The following CSMD1 variants were observed in gnomAD, a reference collection of about 807,000 sequenced individuals.
CSMD1 encodes the protein CUB and Sushi multiple domains 1.
Under a neutral mutation model 417.5 loss-of-function variants are expected in CSMD1, and 213 were observed. The ratio of observed to expected loss-of-function variants is 0.51; its 90% CI spans 0.46 to 0.57. The LOEUF (loss-of-function observed/expected upper bound fraction) is 0.57, where lower values mean the gene tolerates loss of function less well. Among genes scored for constraint, CSMD1 ranks in the 20% least tolerant of loss-of-function variants. The probability of loss-of-function intolerance (pLI) is 0.00; values close to 1 mark genes in which losing one functional copy is unlikely to be tolerated. For missense variants in CSMD1, 6,923 were observed against 4,529.7 expected (o/e 1.53, Z -15.17); for synonymous variants, 2,862 against 1,736.8 (o/e 1.65, Z -16.11).
At chr8:4,096,510 G>T (rs1430693150) in intron 3 of CSMD1, among the ~76,000 whole-genome samples, 1 of 152,130 alleles carries the variant, frequency 6.6e-6, no homozygotes, top group African/African-American at 2.4e-5. Flanking sequence ...GACAGCCAAT[G>T]ACTACTTAGA....
intron 44 of CSMD1, among the ~76,000 whole-genome samples, 190 bp downstream of exon 44, chr8:3,108,413 G>C (rs1490815870): frequency 1.3e-5 from 2 of 152,100 alleles, no homozygotes; most frequent in Admixed American, 6.5e-5. Flanking sequence ...AGCTGGATAC[G>C]ATGTGAAATA....
chr8:4,769,660 G>C (rs767107593), intron 1 of CSMD1, among the ~76,000 whole-genome samples: 1 of 152,182 alleles, frequency 6.6e-6, no homozygotes, highest in African/African-American at 2.4e-5. Flanking sequence ...CGGGAGGCTT[G>C]GAAAGGCTGA....
At position 3,189,988 on chromosome 8, in the gene CSMD1, C is replaced by T; in HGVS notation, c.5322G>A (p.Gln1774=). Residue 1774 remains glutamine, a synonymous_variant, in exon 34 of 70, where the codon CAG becomes CAA. Coordinates refer to ENST00000635120, the MANE Select transcript of CSMD1 (RefSeq NM_033225.6). The part of the protein sequence containing the change: ...RFECNPGYLL[Q]GSTALHCQSV... ...ACTGGCAGTGGAGCGCCGTGGAACC[C>T]TGAAGCAGGTATCCCGGGTTGCACT... is the stretch of plus-strand genomic sequence containing the variant. 1 of 1,599,358 alleles carries T rather than the reference C, an allele frequency of 6.3e-7. No homozygotes were observed. The highest frequency in any genetic ancestry group is 8.5e-7 in the Non-Finnish European group (1 of 1,173,276).
chr8:3,440,711 G>C (rs1055830192), intron 12 of CSMD1, among the ~76,000 whole-genome samples: 28 of 152,146 alleles, frequency 1.8e-4, no homozygotes, highest in African/African-American at 5.1e-4. Flanking sequence ...GATATCCTTG[G>C]TGGGTTCTTA....
In CSMD1 at chr8:3,773,823, G is replaced by A. The variant is rs369268398; in HGVS notation, c.819-19781C>T. On this transcript the variant is annotated intron_variant, in intron 5 of 69. Transcript: ENST00000635120. Reference sequence around the variant, plus strand: ...GCCCATCTACATGCTTCAACAAGTCGTTTTCACTCACTTTCCCCCACATTG... The same window carrying A: ...GCCCATCTACATGCTTCAACAAGTCATTTTCACTCACTTTCCCCCACATTG... Among the ~76,000 whole-genome samples the A allele has an allele frequency of 1.8e-4, 28 of 152,076 alleles. No individual in the cohort carries two copies. The East Asian group carries it at 4.3e-3, about 23-fold the overall frequency.
chr8:4,677,273 A>G (rs1215504938), intron 1 of CSMD1, among the ~76,000 whole-genome samples: 1 of 151,880 alleles, frequency 6.6e-6, no homozygotes, highest in Non-Finnish European at 1.5e-5. Context: ...GAAGGAATCC[A>G]ACAATGTAGT....
Position 2,983,866 on chromosome 8 carries a change from T to C in CSMD1, c.8378-5066A>G, listed in dbSNP as rs574948316. ...TAGTTTTTAAATTTCAATATAATTATTATACAAAAAGGAAAAGTAAAATCG... is the reference window on the plus strand; with the variant it reads ...TAGTTTTTAAATTTCAATATAATTACTATACAAAAAGGAAAAGTAAAATCG... On this transcript the variant is annotated intron_variant, in intron 54 of 69. Transcript: ENST00000635120. Among the ~76,000 whole-genome samples the C allele has an allele frequency of 2.6e-5, 4 of 152,282 alleles. No homozygotes were observed. In the East Asian group the frequency reaches 7.7e-4, roughly 29 times the overall value.
At chr8:4,461,779 C>T (rs1444003811) in intron 2 of CSMD1, among the ~76,000 whole-genome samples, 1 of 138,262 alleles carries the variant, frequency 7.2e-6, no homozygotes, top group Non-Finnish European at 1.5e-5. Context: ...CTCGCTCTGT[C>T]ACCCAGGCTG....
chr8:4,581,735 G>T (rs1210502364), intron 2 of CSMD1, among the ~76,000 whole-genome samples: 4 of 152,096 alleles, frequency 2.6e-5, no homozygotes, highest in East Asian at 3.9e-4. Context: ...ATTCCCAGAG[G>T]GCCCTCACCT....
At chr8:3,753,890 C>A (rs1415140715) in intron 6 of CSMD1, 40 bp downstream of exon 6, 1 of 1,357,252 alleles carries the variant, frequency 7.4e-7, no homozygotes, top group African/African-American at 1.4e-5. Flanking sequence ...ATATATTACG[C>A]TCTGTTTTTT....
chr8:3,663,945 A>G (rs945546524), intron 7 of CSMD1, among the ~76,000 whole-genome samples: 2 of 152,244 alleles, frequency 1.3e-5, no homozygotes, highest in African/African-American at 4.8e-5. Flanking sequence ...TGGGGTTCAC[A>G]GAACCAAGGC....
chr8:4,132,751 T>C (rs1159864366), intron 3 of CSMD1, among the ~76,000 whole-genome samples: 1 of 152,176 alleles, frequency 6.6e-6, no homozygotes, highest in Admixed American at 6.5e-5. Context: ...AGAGATAGTG[T>C]TGATGTTCTC....
At chr8:3,405,847 G>C (rs999576440) in intron 15 of CSMD1, among the ~76,000 whole-genome samples, 180 bp downstream of exon 15, 1 of 152,166 alleles carries the variant, frequency 6.6e-6, no homozygotes, top group African/African-American at 2.4e-5. Context: ...ATGACACCTG[G>C]ATCTCAGACT....
At chr8:4,564,940 G>T (rs920247673) in intron 2 of CSMD1, among the ~76,000 whole-genome samples, 3 of 152,184 alleles carry the variant, frequency 2.0e-5, no homozygotes, top group Non-Finnish European at 4.4e-5. Flanking sequence ...CTTTTCTAGT[G>T]TTATGAATTT....
intron 3 of CSMD1, among the ~76,000 whole-genome samples, chr8:4,129,848 G>C (rs1230589481): frequency 1.3e-5 from 2 of 151,882 alleles, no homozygotes; most frequent in African/African-American, 2.4e-5. Flanking sequence ...TTCCTAGATG[G>C]TTCCTGCTTT....
intron 1 of CSMD1, among the ~76,000 whole-genome samples, chr8:4,866,739 G>A (rs536956359): frequency 5.9e-5 from 9 of 151,950 alleles, no homozygotes; most frequent in African/African-American, 1.9e-4. Context: ...AACCTCGATC[G>A]TTCAAACTCA....
At chr8:4,390,624 C>G (rs1339758117) in intron 3 of CSMD1, among the ~76,000 whole-genome samples, 1 of 152,034 alleles carries the variant, frequency 6.6e-6, no homozygotes, top group African/African-American at 2.4e-5. Context: ...CGCCATTCTC[C>G]TGCCTCAGCC....
intron 3 of CSMD1, among the ~76,000 whole-genome samples, chr8:4,402,793 CTTTT>C (rs1804731653): frequency 7.5e-6 from 1 of 133,244 alleles, no homozygotes; most frequent in African/African-American, 2.8e-5. Context: ...AATGTCCTCA[CTTTT>C]TTCTTTTTTT....
At chr8:4,025,278 G>T (rs1000898299) in intron 4 of CSMD1, among the ~76,000 whole-genome samples, 2 of 152,136 alleles carry the variant, frequency 1.3e-5, no homozygotes, top group Non-Finnish European at 2.9e-5. Flanking sequence ...CTTCTTGTAT[G>T]CCCCTATCCA....
Sources: gnomAD v4.1 joint callset for allele counts (sites outside exome capture counted in the v4.1 genomes callset) on GRCh38, gnomAD v4.1.1 for gene constraint, MANE v1.5 for transcripts, NCBI Gene and HGNC (gene_info 2026-07-23, HGNC 2026-07-21) for gene names.